PRR16: variants seen among roughly 807,000 people sequenced by gnomAD.
PRR16 encodes protein Largen.
PRR16 carries 6 observed loss-of-function variants against 18.2 expected under a neutral mutation model. The ratio of observed to expected loss-of-function variants is 0.33; its 90% confidence interval spans 0.18 to 0.65. PRR16 has a LOEUF of 0.65. Ranked by LOEUF, PRR16 falls within the 30% of genes least tolerant of loss-of-function variation. PRR16 has a pLI of 0.74. For missense variants in PRR16, 412 were observed against 376.6 expected (o/e 1.09, Z -0.78); for synonymous variants, 151 against 147.8 (o/e 1.02, Z -0.16).
intron 1 of PRR16, among the ~76,000 whole-genome samples, chr5:120,517,654 T>C (rs1473024621): frequency 6.6e-6 from 1 of 152,198 alleles, no homozygotes; most frequent in African/African-American, 2.4e-5. Flanking sequence ...TATTGATTGT[T>C]CTTTTTCGAC....
At chr5:120,674,495 C>T (rs1161355270) in intron 1 of PRR16, among the ~76,000 whole-genome samples, 2 of 152,162 alleles carry the variant, frequency 1.3e-5, no homozygotes, top group Admixed American at 1.3e-4. Context: ...TGTTCTGGAA[C>T]TTTTGAAGTT....
At chr5:120,734,195 C>T in the PRR16 span, among the ~76,000 whole-genome samples, 3 of 152,104 alleles carry the variant, frequency 2.0e-5, no homozygotes, top group Non-Finnish European at 4.4e-5. Flanking sequence ...GCCTGCCTGG[C>T]CAGAGTATTG....
the PRR16 span, among the ~76,000 whole-genome samples, chr5:120,726,971 T>A: frequency 6.6e-6 from 1 of 152,046 alleles, no homozygotes; most frequent in South Asian, 2.1e-4. Flanking sequence ...TTTATTCATA[T>A]TAAATGGATC....
downstream of PRR16, among the ~76,000 whole-genome samples, chr5:120,690,868 GA>G (rs1229835094): frequency 1.0e-4 from 15 of 150,744 alleles, no homozygotes; most frequent in East Asian, 5.8e-4. Flanking sequence ...ATCTACTGGG[GA>G]AAAAAAAACC....
chr5:120,591,783 A>C (rs914199732), intron 1 of PRR16, among the ~76,000 whole-genome samples: 1 of 152,080 alleles, frequency 6.6e-6, no homozygotes, highest in Non-Finnish European at 1.5e-5. Flanking sequence ...ATATCATGGT[A>C]AGGATAATTT....
the PRR16 span, among the ~76,000 whole-genome samples, chr5:120,741,561 T>C: frequency 2.0e-5 from 3 of 152,288 alleles, no homozygotes; most frequent in Non-Finnish European, 2.9e-5. Context: ...AAAAAAGCAT[T>C]CAATATTTCA....
chr5:120,700,920 G>A, the PRR16 span, among the ~76,000 whole-genome samples: 2 of 152,202 alleles, frequency 1.3e-5, no homozygotes, highest in Non-Finnish European at 2.9e-5. Context: ...AGTTCCAGGG[G>A]CTCTGGGAGT....
chr5:120,778,336 C>A, the PRR16 span, among the ~76,000 whole-genome samples: 1 of 152,096 alleles, frequency 6.6e-6, no homozygotes, highest in African/African-American at 2.4e-5. Flanking sequence ...CTTTCAAGAG[C>A]TTTCAAGAAA....
intron 1 of PRR16, among the ~76,000 whole-genome samples, chr5:120,637,952 AT>A (rs1173453906): frequency 6.6e-6 from 1 of 152,164 alleles, no homozygotes. Flanking sequence ...CTTATCTGAA[AT>A]GCTTGAGACT....
chr5:120,768,246 T>C, the PRR16 span, among the ~76,000 whole-genome samples: 1 of 151,870 alleles, frequency 6.6e-6, no homozygotes, highest in Non-Finnish European at 1.5e-5. Flanking sequence ...TGATTGTAGA[T>C]AGGTCTTTAT....
At chr5:120,550,493 A>G (rs559652690) in intron 1 of PRR16, among the ~76,000 whole-genome samples, 1 of 152,150 alleles carries the variant, frequency 6.6e-6, no homozygotes, top group South Asian at 2.1e-4. Flanking sequence ...GATGAGAGGA[A>G]GAACATTTCC....
At chr5:120,645,851 T>C (rs985407665) in intron 1 of PRR16, among the ~76,000 whole-genome samples, 7 of 151,768 alleles carry the variant, frequency 4.6e-5, no homozygotes, top group Non-Finnish European at 8.8e-5. Flanking sequence ...AGAAAATAAA[T>C]ATACACCATG....
the PRR16 span, among the ~76,000 whole-genome samples, chr5:120,745,748 G>T: frequency 6.6e-6 from 1 of 151,512 alleles, no homozygotes; most frequent in South Asian, 2.1e-4. Context: ...ACCAAGGCTG[G>T]AGTGCAGTGG....
chr5:120,775,864 T>G, the PRR16 span, among the ~76,000 whole-genome samples: 1 of 148,352 alleles, frequency 6.7e-6, no homozygotes, highest in East Asian at 2.0e-4. Flanking sequence ...TCCAGGCTGG[T>G]CTCGAACTCT....
chr5:120,720,360 A>G, the PRR16 span, among the ~76,000 whole-genome samples: 98 of 151,902 alleles, frequency 6.5e-4, no homozygotes, highest in African/African-American at 2.2e-3. Flanking sequence ...CTTTTGACCC[A>G]TTACCATCTT....
In PRR16 at chr5:120,526,261, C is replaced by T. The variant is rs566566276; in HGVS notation, c.159+61616C>T. Among the ~76,000 whole-genome samples the T allele has an allele frequency of 2.9e-4, 44 of 152,262 alleles. 1 individual carries two copies. Among genetic ancestry groups the T allele is most frequent in the African/African-American group, 8.9e-4 (37 of 41,582 alleles). ...TTTTTCCTTTTCATACACCAGATTC[C>T]GTTCCACCTGTCTTCTCCTTCCCAG... is the stretch of plus-strand genomic sequence containing the variant. On this transcript the variant is annotated intron_variant, in intron 1 of 1. Coordinates refer to ENST00000407149, the MANE Select transcript of PRR16 (RefSeq NM_001300783.2).
chr5:120,551,016 T>A (rs1481874114), intron 1 of PRR16, among the ~76,000 whole-genome samples: 1 of 152,000 alleles, frequency 6.6e-6, no homozygotes, highest in Non-Finnish European at 1.5e-5. Flanking sequence ...AACATATGTA[T>A]AACTTCACAT....
chr5:120,761,691 A>G, the PRR16 span, among the ~76,000 whole-genome samples: 1 of 152,146 alleles, frequency 6.6e-6, no homozygotes, highest in Non-Finnish European at 1.5e-5. Flanking sequence ...TATTAAAGAT[A>G]TACATTATCA....
At chr5:120,483,952 C>T (rs2112814155) in intron 1 of PRR16, among the ~76,000 whole-genome samples, 1 of 152,014 alleles carries the variant, frequency 6.6e-6, no homozygotes, top group East Asian at 1.9e-4. Flanking sequence ...AGAACATTAA[C>T]AATCTTAATT....
Sources: allele counts gnomAD v4.1 joint callset (sites outside exome capture counted in the v4.1 genomes callset), GRCh38; gene constraint gnomAD v4.1.1; transcripts MANE v1.5; gene names NCBI Gene and HGNC (gene_info 2026-07-23, HGNC 2026-07-21).